Variants in RTKN observed in about 807,000 individuals in gnomAD.
The protein encoded by RTKN is rhotekin.
A neutral mutation model predicts 63.5 loss-of-function variants in RTKN; 49 were observed. That is an observed-to-expected ratio of 0.77 (90% CI 0.61 to 0.98). The LOEUF is 0.98. Ranked by LOEUF, RTKN falls within the 50% of genes least tolerant of loss-of-function variation. RTKN has a pLI of 0.00. For missense variants in RTKN, 685 were observed against 740.8 expected, an observed-to-expected ratio of 0.92 and a Z score of 0.87; for synonymous variants, 295 against 290.4, an observed-to-expected ratio of 1.02 and a Z score of -0.16.
chr2:74,440,515 C>T (rs758880648), intron 1 of RTKN: 2 of 986,548 alleles, frequency 2.0e-6, no homozygotes, highest in African/African-American at 1.7e-5. Flanking sequence ...ACGCCAGGCC[C>T]ACGGAGTCAC....
chr2:74,439,986 G>A, intron 1 of RTKN: 1 of 1,076,458 alleles, frequency 9.3e-7, no homozygotes, highest in Non-Finnish European at 1.1e-6. Context: ...AGCTGTGGAA[G>A]AAAAAGGCCC....
In RTKN at chr2:74,439,660, T is replaced by C. The variant is rs966733817; in HGVS notation, c.111+2046A>G. The C allele has an allele frequency of 5.7e-5, 92 of 1,612,836 alleles. No homozygotes were observed. In the East Asian group the frequency reaches 2.0e-3, roughly 36 times the overall value. ...CGGTGCCCTTTCCCTTGTCAACCCCTCCAGAGGGGGGACAGATAGGTACCA... is the reference window on the plus strand; with the variant it reads ...CGGTGCCCTTTCCCTTGTCAACCCCCCCAGAGGGGGGACAGATAGGTACCA... On this transcript the variant is annotated intron_variant, in intron 1 of 11. Transcript: ENST00000272430.
intron 1 of RTKN, among the ~76,000 whole-genome samples, chr2:74,441,412 G>C (rs1229947237): frequency 6.6e-6 from 1 of 152,218 alleles, no homozygotes; most frequent in Non-Finnish European, 1.5e-5. Flanking sequence ...AAGACATTTT[G>C]GGGTTCAGGC....
chr2:74,432,368 A>C (rs1465806400), intron 2 of RTKN, 99 bp downstream of exon 2: 1 of 1,159,688 alleles, frequency 8.6e-7, no homozygotes, highest in African/African-American at 1.5e-5. Flanking sequence ...TGGGGAAGTC[A>C]TCTTTAAGGT....
In RTKN at chr2:74,425,980, G is replaced by A; in HGVS notation, c.*263C>T. On this transcript the variant is annotated 3_prime_UTR_variant, in exon 12 of 12. Transcript: ENST00000272430. ...GCCATCCTCAAAGCTGGTTAGTGCA[G>A]GGAGGTAGGGCAGAGTTGGTTCCAG... is the stretch of plus-strand genomic sequence containing the variant. 2 of 652,190 alleles carry A rather than the reference G, an allele frequency of 3.1e-6. No homozygotes were observed. Among genetic ancestry groups the A allele is most frequent in the Non-Finnish European group, 5.2e-6 (2 of 384,992 alleles). The allele number at this position is 652,190 out of a possible 1,614,324, so 40.4% of individuals were successfully genotyped here.
At position 74,430,695 on chromosome 2, in the gene RTKN, T is replaced by C. The variant is rs1670701170; in HGVS notation, c.312-18A>G. 1 of 1,606,710 alleles carries C rather than the reference T, an allele frequency of 6.2e-7. No individual in the cohort carries two copies. The highest frequency in any genetic ancestry group is 8.5e-7 in the Non-Finnish European group (1 of 1,177,418). Reference sequence around the variant, plus strand: ...CAGAAGGCCTGTGGATAAATCACAATGTCCTGGCCTGGCCTCTAGCCACTA... The same window carrying C: ...CAGAAGGCCTGTGGATAAATCACAACGTCCTGGCCTGGCCTCTAGCCACTA... On this transcript the variant is annotated intron_variant, in intron 2 of 11. Transcript: ENST00000272430.
At chr2:74,430,710 T>G in intron 2 of RTKN, 33 bp from the exon 3 acceptor site, 1 of 1,596,014 alleles carries the variant, frequency 6.3e-7, no homozygotes, top group Non-Finnish European at 8.5e-7. Context: ...TGGCCTGGCC[T>G]CTAGCCACTA....
intron 8 of RTKN, 84 bp from the exon 9 acceptor site, chr2:74,428,480 T>C (rs931618291): frequency 4.0e-5 from 64 of 1,608,034 alleles, no homozygotes; most frequent in Non-Finnish European, 5.4e-5. Flanking sequence ...CCTGTTCGTT[T>C]TGTCCACCCT....
At chr2:74,439,876 G>A in intron 1 of RTKN, 1 of 1,328,990 alleles carries the variant, frequency 7.5e-7, no homozygotes, top group Middle Eastern at 2.9e-4. Flanking sequence ...GAAAAAGAAA[G>A]CGAAGTGAGG....
chr2:74,428,457 C>T (rs866761751), intron 8 of RTKN, 61 bp from the exon 9 acceptor site: 26 of 1,612,132 alleles, frequency 1.6e-5, no homozygotes, highest in Middle Eastern at 3.3e-4. Flanking sequence ...CTCTTCTCAG[C>T]CCCCCATGAG....
chr2:74,428,125 G>C (rs1266408497), intron 9 of RTKN, 143 bp downstream of exon 9: 1 of 1,008,080 alleles, frequency 9.9e-7, no homozygotes, highest in Non-Finnish European at 1.5e-6. Context: ...GGAAAATACG[G>C]GCCCCTGAAG....
chr2:74,441,853 C>G lies in RTKN; in HGVS notation c.-37G>C. On this transcript the variant is annotated 5_prime_UTR_variant, in exon 1 of 12. Transcript: ENST00000272430. ...TGCGACTTTGCCTGCTCAGTGCGCT[C>G]CCCGCGCCGCCCGGCTTAGCCTCCT... 7.5e-7 allele frequency: 1 copy of G among 1,339,362 alleles called. No individual in the cohort carries two copies. The allele number at this position is 1,339,362 out of a possible 1,614,324, so 83.0% of individuals were successfully genotyped here.
intron 8 of RTKN, 64 bp from the exon 9 acceptor site, chr2:74,428,460 C>A: frequency 6.2e-7 from 1 of 1,611,898 alleles, no homozygotes; most frequent in Non-Finnish European, 8.5e-7. Context: ...TTCTCAGCCC[C>A]CCATGAGAAC....
Position 74,428,689 on chromosome 2 carries a change from AGAC to A in RTKN, c.896_898del (p.Arg299del). ...AGTCATGCAGAGAGGCTGAGCTGCC[AGAC>A]GGCAACACACGCTACCATAAAGGGG... On this transcript the variant is annotated inframe_deletion, in exon 8 of 12. Transcript: ENST00000272430. The A allele has an allele frequency of 6.2e-7, 1 of 1,614,082 alleles. No homozygotes were observed. Among genetic ancestry groups the A allele is most frequent in the Non-Finnish European group, 8.5e-7 (1 of 1,179,996 alleles).
chr2:74,427,478 G>A lies in RTKN; in HGVS notation c.1201C>T (p.Arg401Trp), dbSNP rs368755774. The A allele has an allele frequency of 8.1e-6, 13 of 1,614,002 alleles. No individual in the cohort carries two copies. The East Asian group carries it at 2.0e-4, about 25-fold the overall frequency. Reference protein sequence around the residue: ...EVTHTLQTESREALQSWMEAL... With the variant: ...EVTHTLQTESWEALQSWMEAL... ...TCCATCCAGCTCTGCAGTGCTTCCCGACTTTCTGTCTGAAGGGTGTGTGTC... is the reference window on the plus strand; with the variant it reads ...TCCATCCAGCTCTGCAGTGCTTCCCAACTTTCTGTCTGAAGGGTGTGTGTC... Residue 401 changes from arginine to tryptophan, a missense_variant, in exon 10 of 12, where the codon CGG becomes TGG. Transcript: ENST00000272430.
rs868048758 is a variant in RTKN at position 74,426,103 on chromosome 2, C to G, written c.*140G>C. On this transcript the variant is annotated 3_prime_UTR_variant, in exon 12 of 12. Transcript: ENST00000272430. ...CAATTTAAGAGGGGCTTCTGCCCAC[C>G]CCTGCAGCCTACCCCAGGTCCAGCA... The G allele has an allele frequency of 1.2e-4, 97 of 797,456 alleles. 2 individuals are homozygous for G. In the Middle Eastern group the frequency reaches 6.7e-3, roughly 55 times the overall value. 49.4% of individuals were successfully genotyped at this position (797,456 alleles called of 1,614,324 possible). A position where few individuals can be genotyped will look rare whatever the true frequency, so the allele number is the denominator to read the frequency against.
In RTKN at chr2:74,430,142, G is replaced by A. The variant is rs760331701; in HGVS notation, c.546-105C>T. 35 of 1,497,574 alleles carry A rather than the reference G, an allele frequency of 2.3e-5. No individual in the cohort carries two copies. The Middle Eastern group carries it at 5.5e-4, about 24-fold the overall frequency. 92.8% of individuals were successfully genotyped at this position (1,497,574 alleles called of 1,614,324 possible). On this transcript the variant is annotated intron_variant, in intron 5 of 11. Transcript: ENST00000272430. ...AGGACAGCTCCACAGAGAAGGCCAGGTGCCCCTCCTCTCCACCCTGCCCCC... is the reference window on the plus strand; with the variant it reads ...AGGACAGCTCCACAGAGAAGGCCAGATGCCCCTCCTCTCCACCCTGCCCCC...
chr2:74,441,414 G>C (rs1278037673), intron 1 of RTKN, among the ~76,000 whole-genome samples: 2 of 152,218 alleles, frequency 1.3e-5, no homozygotes, highest in Non-Finnish European at 1.5e-5. Context: ...GACATTTTGG[G>C]GTTCAGGCAC....
chr2:74,434,264 GAGT>G (rs1573256508), intron 1 of RTKN, among the ~76,000 whole-genome samples: 1 of 150,776 alleles, frequency 6.6e-6, no homozygotes, highest in Non-Finnish European at 1.5e-5. Flanking sequence ...CACCACGCCC[GAGT>G]AAGTTTTGTA....
Sources: allele counts gnomAD v4.1 joint callset (sites outside exome capture counted in the v4.1 genomes callset), GRCh38; gene constraint gnomAD v4.1.1; transcripts MANE v1.5; gene names NCBI Gene and HGNC (gene_info 2026-07-23, HGNC 2026-07-21).